Variants in WAPL observed in about 807,000 individuals in gnomAD.
WAPL encodes wings apart-like protein homolog.
A neutral mutation model predicts 121.0 loss-of-function variants in WAPL; 5 were observed. The ratio of observed to expected loss-of-function variants is 0.04; its 90% CI spans 0.02 to 0.09. WAPL has a LOEUF of 0.09. Ranked by LOEUF, WAPL falls within the 10% of genes least tolerant of loss-of-function variation. WAPL has a pLI of 1.00. For synonymous variants in WAPL, 480 were observed against 481.5 expected (o/e 1.00, Z 0.04); for missense variants, 999 against 1,410.8 (o/e 0.71, Z 4.68).
chr10:86,501,769 C>T (rs1054983460), intron 2 of WAPL, among the ~76,000 whole-genome samples: 9 of 152,174 alleles, frequency 5.9e-5, no homozygotes, highest in Admixed American at 5.2e-4. Flanking sequence ...TCAGAGACCT[C>T]CAGGCCTCAA....
rs151243166 is a variant in WAPL, at chr10:86,459,461, G to C, written c.2581-396C>G. Among the ~76,000 whole-genome samples the C allele has an allele frequency of 1.3e-3, 196 of 152,222 alleles. 1 individual carries two copies. The highest frequency in any genetic ancestry group is 4.2e-3 in the African/African-American group (174 of 41,538). ...GCCCAAAGCACTCTAGAAGACACAT[G>C]GAACGCTACAATTTAATCTATGCCA... On this transcript the variant is annotated intron_variant, in intron 11 of 18. Transcript: ENST00000298767.
At chr10:86,458,664 T>C (rs2132179806) in intron 12 of WAPL, among the ~76,000 whole-genome samples, 1 of 152,338 alleles carries the variant, frequency 6.6e-6, no homozygotes, top group Non-Finnish European at 1.5e-5. Context: ...TATGTATATA[T>C]TTCTTACAAA....
intron 4 of WAPL, among the ~76,000 whole-genome samples, chr10:86,484,963 C>G (rs1381358160): frequency 6.6e-6 from 1 of 152,110 alleles, no homozygotes; most frequent in Non-Finnish European, 1.5e-5. Flanking sequence ...AATGGAAAAA[C>G]AAATGAAATT....
intron 18 of WAPL, 119 bp from the exon 19 acceptor site, chr10:86,437,727 G>C (rs1485970497): frequency 8.8e-7 from 1 of 1,137,086 alleles, no homozygotes; most frequent in Non-Finnish European, 1.2e-6. Context: ...AAAGTACACC[G>C]AGATTAAATT....
Position 86,460,292 on chromosome 10 carries a change from CAG to C in WAPL, c.2580+105_2580+106del, listed in dbSNP as rs1209287373. ...GTACTGCTATTTCTATCTGGATTAA[CAG>C]AAGTGAACCTCCAGGGGTATATAAA... is the stretch of plus-strand genomic sequence containing the variant. On this transcript the variant is annotated intron_variant, in intron 11 of 18. Coordinates refer to ENST00000298767, the MANE Select transcript of WAPL (RefSeq NM_015045.5). 1.7e-5 allele frequency: 14 copies of C among 837,632 alleles called. No homozygotes were observed. In the African/African-American group the frequency reaches 2.4e-4, roughly 14 times the overall value. The allele number at this position is 837,632 out of a possible 1,614,324, so 51.9% of individuals were successfully genotyped here.
At chr10:86,465,577 A>G (rs561484887) in intron 9 of WAPL, among the ~76,000 whole-genome samples, 1 of 152,194 alleles carries the variant, frequency 6.6e-6, no homozygotes, top group Non-Finnish European at 1.5e-5. Context: ...CTAGTGTAAA[A>G]TCAGGTACTT....
At chr10:86,491,431 G>GC (rs1031602782) in intron 4 of WAPL, among the ~76,000 whole-genome samples, 10 of 151,906 alleles carry the variant, frequency 6.6e-5, no homozygotes, top group African/African-American at 2.4e-4. Flanking sequence ...GAGCCACCAC[G>GC]CCCGGCATGG....
intron 2 of WAPL, among the ~76,000 whole-genome samples, chr10:86,509,718 C>T (rs939826233): frequency 1.5e-4 from 22 of 151,486 alleles, no homozygotes; most frequent in African/African-American, 5.1e-4. Flanking sequence ...GGCACAAGTG[C>T]TGGAAAAGAA....
In WAPL at chr10:86,506,503, G is replaced by A. The variant is rs574319258; in HGVS notation, c.500-5760C>T. Among the ~76,000 whole-genome samples, 213 of 152,186 alleles carry A rather than the reference G, an allele frequency of 1.4e-3. 2 individuals are homozygous for A. Among genetic ancestry groups the A allele is most frequent in the Non-Finnish European group, 2.6e-3 (177 of 68,040 alleles). ...TAAAATGTCAATATTGGCCACGTGT[G>A]GTGGCTCACGCCTGTAATCCCAGCA... is the stretch of plus-strand genomic sequence containing the variant. On this transcript the variant is annotated intron_variant, in intron 2 of 18. Transcript: ENST00000298767.
intron 4 of WAPL, among the ~76,000 whole-genome samples, chr10:86,483,788 T>TAA (rs1841856604): frequency 8.1e-6 from 1 of 123,670 alleles, no homozygotes; most frequent in African/African-American, 3.0e-5. Context: ...AAAAAAATTT[T>TAA]TTTTTCTTTT....
At position 86,436,118 on chromosome 10, in the gene WAPL, T is replaced by C. The variant is rs1483515357; in HGVS notation, c.*1425A>G. On this transcript the variant is annotated 3_prime_UTR_variant, in exon 19 of 19. Transcript: ENST00000298767. ...TGCATTATCAAAAATAGGAAGACAA[T>C]AGAAGGCAGCCACTGCATTTAAAAA... is the stretch of plus-strand genomic sequence containing the variant. 3 of 152,518 alleles carry C rather than the reference T, an allele frequency of 2.0e-5. No homozygotes were observed. The highest frequency in any genetic ancestry group is 1.9e-4 in the East Asian group (1 of 5,194). The allele number at this position is 152,518 out of a possible 1,614,324, so 9.4% of individuals were successfully genotyped here. A position where few individuals can be genotyped will look rare whatever the true frequency, so the allele number is the denominator to read the frequency against.
Position 86,472,835 on chromosome 10 carries a change from C to T in WAPL, c.1741-71G>A, listed in dbSNP as rs938737179. 3 of 1,413,768 alleles carry T rather than the reference C, an allele frequency of 2.1e-6. No homozygotes were observed. Among genetic ancestry groups the T allele is most frequent in the Non-Finnish European group, 2.8e-6 (3 of 1,062,888 alleles). 87.6% of individuals were successfully genotyped at this position (1,413,768 alleles called of 1,614,324 possible). A position where few individuals can be genotyped will look rare whatever the true frequency, so the allele number is the denominator to read the frequency against. On this transcript the variant is annotated intron_variant, in intron 5 of 18. Coordinates refer to ENST00000298767, the MANE Select transcript of WAPL (RefSeq NM_015045.5). This position sits in a 1 kb window ranked among gnomAD's most constrained non-coding sequence, Gnocchi z 4.2. ...AAATAGGAACGTCTCATCTATCTGG[C>T]AAATTCAGCTTCAAAAAAAAGTAAA...
At position 86,445,867 on chromosome 10, in the gene WAPL, T is replaced by C. The variant is rs150679442; in HGVS notation, c.3322+375A>G. ...CTAGTACTTACACTTTGAGAACTAT[T>C]ACTGTAATCTGACAATAGATCTTCA... On this transcript the variant is annotated intron_variant, in intron 16 of 18. Coordinates refer to ENST00000298767, the MANE Select transcript of WAPL (RefSeq NM_015045.5). Among the ~76,000 whole-genome samples, 119 of 152,296 alleles carry C rather than the reference T, an allele frequency of 7.8e-4. 3 individuals carry two copies. In the East Asian group the frequency reaches 0.023, roughly 29 times the overall value.
intron 15 of WAPL, among the ~76,000 whole-genome samples, chr10:86,450,446 T>C (rs1049243279): frequency 1.3e-4 from 20 of 152,134 alleles, no homozygotes; most frequent in African/African-American, 3.9e-4. Context: ...ATGTTGCCCA[T>C]GCTGGTCTCA....
intron 2 of WAPL, among the ~76,000 whole-genome samples, chr10:86,513,683 C>T (rs1334092361): frequency 6.6e-6 from 1 of 152,152 alleles, no homozygotes; most frequent in Non-Finnish European, 1.5e-5. Context: ...AAAAAATCAA[C>T]CACATACTCC....
chr10:86,520,085 C>T (rs1842643315), intron 1 of WAPL, among the ~76,000 whole-genome samples: 1 of 152,196 alleles, frequency 6.6e-6, no homozygotes, highest in Admixed American at 6.5e-5. Context: ...CACCTGAGGC[C>T]AGGAGTTCGA....
intron 1 of WAPL, among the ~76,000 whole-genome samples, chr10:86,520,872 T>C (rs1842661775): frequency 6.6e-6 from 1 of 150,950 alleles, no homozygotes; most frequent in Admixed American, 6.6e-5. Flanking sequence ...CCATTAAAGA[T>C]GGAAAGCGGA....
intron 2 of WAPL, among the ~76,000 whole-genome samples, chr10:86,505,181 AT>A (rs1230305470): frequency 6.9e-5 from 3 of 43,496 alleles, no homozygotes; most frequent in Admixed American, 3.4e-4. Flanking sequence ...TAGAGACAGG[AT>A]TTTTTTATGT....
intron 4 of WAPL, among the ~76,000 whole-genome samples, chr10:86,481,132 G>A (rs1841773752): frequency 6.6e-6 from 1 of 152,080 alleles, no homozygotes; most frequent in Non-Finnish European, 1.5e-5. Context: ...CTGGATGTGG[G>A]TAAACTATGC....
Sources: gnomAD v4.1 joint callset for allele counts (sites outside exome capture counted in the v4.1 genomes callset) on GRCh38, gnomAD v4.1.1 for gene constraint, Gnocchi (gnomAD v3.1) non-coding constraint, MANE v1.5 for transcripts, NCBI Gene and HGNC (gene_info 2026-07-23, HGNC 2026-07-21) for gene names.